The following MON2 variants were observed in gnomAD, a reference collection of about 807,000 sequenced individuals.
MON2 encodes the protein MON2 regulator of endosome-to-Golgi trafficking, also known as protein MON2 homolog.
A neutral mutation model predicts 208.6 loss-of-function variants in MON2; 84 were observed. The ratio of observed to expected loss-of-function variants is 0.40; its 90% CI spans 0.34 to 0.48. MON2 has a LOEUF of 0.48. MON2 is among the 20% of genes least tolerant of loss of function. The probability of loss-of-function intolerance (pLI) is 0.59; values close to 1 mark genes in which losing one functional copy is unlikely to be tolerated. For missense variants in MON2, 1,611 were observed against 2,015.4 expected, an observed-to-expected ratio of 0.80 and a Z score of 3.84; for synonymous variants, 660 against 694.0, an observed-to-expected ratio of 0.95 and a Z score of 0.77.
rs73141063 is a variant in MON2, at chr12:62,554,667, A to T, written c.3211-1327A>T. Among the ~76,000 whole-genome samples the T allele has an allele frequency of 1.8e-3, 267 of 152,030 alleles. 1 individual carries two copies. The highest frequency in any genetic ancestry group is 5.0e-3 in the South Asian group (24 of 4,812). ...ACACTACCAAGCCCAGCTAATTTTT[A>T]AAATTTTTTTTGTAGAGATAGTCTC... On this transcript the variant is annotated intron_variant, in intron 24 of 34. Transcript: ENST00000393630.
chr12:62,509,732 T>C (rs1475417479), intron 8 of MON2, among the ~76,000 whole-genome samples: 1 of 151,976 alleles, frequency 6.6e-6, no homozygotes, highest in East Asian at 1.9e-4. Flanking sequence ...CAGAAATCAA[T>C]AGTGGAAGGA....
intron 26 of MON2, among the ~76,000 whole-genome samples, chr12:62,564,084 T>TATATATATATAATG: frequency 6.6e-6 from 1 of 152,208 alleles, no homozygotes; most frequent in Non-Finnish European, 1.5e-5. Flanking sequence ...TTTTACTACT[T>TATATATATATAATG]TCTTACATTA....
intron 32 of MON2, among the ~76,000 whole-genome samples, chr12:62,581,289 A>G (rs2074995099): frequency 6.6e-6 from 1 of 152,190 alleles, no homozygotes. Flanking sequence ...CCATAATCCT[A>G]GTGTTCTGGG....
chr12:62,556,713 GT>G (rs1455328602), intron 25 of MON2, among the ~76,000 whole-genome samples: 1 of 152,114 alleles, frequency 6.6e-6, no homozygotes, highest in East Asian at 1.9e-4. Context: ...ATAAGAAAGA[GT>G]TTGATTATCA....
intron 1 of MON2, among the ~76,000 whole-genome samples, chr12:62,481,510 C>T (rs75259155): frequency 0.12 from 13,559 of 109,518 alleles, 908 homozygotes; most frequent in East Asian, 0.29. Context: ...AGCGAGACTC[C>T]GTCTCAAAAA....
intron 1 of MON2, among the ~76,000 whole-genome samples, chr12:62,471,845 G>T (rs1310850908): frequency 6.6e-6 from 1 of 152,202 alleles, no homozygotes. Context: ...TCTGAGAAAG[G>T]ACACATTACC....
At chr12:62,539,443 A>G (rs1592339341) in intron 19 of MON2, among the ~76,000 whole-genome samples, 1 of 150,628 alleles carries the variant, frequency 6.6e-6, no homozygotes, top group South Asian at 2.1e-4. Flanking sequence ...TTTTTATTGT[A>G]TTTTCAGTAG....
intron 8 of MON2, among the ~76,000 whole-genome samples, chr12:62,512,387 A>G (rs915903744): frequency 2.0e-5 from 3 of 152,222 alleles, no homozygotes; most frequent in African/African-American, 4.8e-5. Context: ...GCCATTCTAA[A>G]TGGGAGAAAC....
At chr12:62,543,268 TA>T (rs2073320376) in intron 20 of MON2, 70 bp downstream of exon 20, 1 of 776,300 alleles carries the variant, frequency 1.3e-6, no homozygotes, top group Admixed American at 3.3e-5. Flanking sequence ...TGATTCTAAA[TA>T]GCCATTTGAA....
chr12:62,567,962 G>A (rs555164113), intron 29 of MON2, among the ~76,000 whole-genome samples: 65 of 152,244 alleles, frequency 4.3e-4, no homozygotes, highest in African/African-American at 1.4e-3. Context: ...CTACTTACAT[G>A]TCTTACCTAT....
chr12:62,469,914 ATTTATTTAT>A (rs138119199), intron 1 of MON2, among the ~76,000 whole-genome samples: 20,758 of 65,284 alleles, frequency 0.32, 1,908 homozygotes, highest in African/African-American at 0.46. Context: ...TTATTTATTT[ATTTATTTAT>A]TTGAGACAGG....
At chr12:62,494,678 A>G (rs182045819) in intron 3 of MON2, among the ~76,000 whole-genome samples, 1 of 152,196 alleles carries the variant, frequency 6.6e-6, no homozygotes, top group Non-Finnish European at 1.5e-5. Flanking sequence ...CAGCAGGCTC[A>G]TAGCTAATTT....
At chr12:62,549,514 A>G (rs1271457545) in intron 22 of MON2, among the ~76,000 whole-genome samples, 154 bp from the exon 23 acceptor site, 1 of 151,402 alleles carries the variant, frequency 6.6e-6, no homozygotes, top group Admixed American at 6.6e-5. Context: ...CTACTGGGGA[A>G]GCTGAGGTGG....
At chr12:62,474,887 G>T (rs1427862951) in intron 1 of MON2, among the ~76,000 whole-genome samples, 1 of 151,912 alleles carries the variant, frequency 6.6e-6, no homozygotes, top group Admixed American at 6.6e-5. Flanking sequence ...GTTCCTTCCA[G>T]CTCTGTAATT....
chr12:62,546,601 A>G (rs1349367840), intron 21 of MON2, among the ~76,000 whole-genome samples: 1 of 152,042 alleles, frequency 6.6e-6, no homozygotes, highest in African/African-American at 2.4e-5. Context: ...TAAAAATACA[A>G]AGATTAGCCG....
At chr12:62,485,695 T>C (rs1365640333) in intron 2 of MON2, among the ~76,000 whole-genome samples, 1 of 152,028 alleles carries the variant, frequency 6.6e-6, no homozygotes, top group East Asian at 1.9e-4. Context: ...AAGTGGGTTT[T>C]TTTTGTTTGT....
At chr12:62,585,160 TTAGCTA>T (rs929077107) in intron 32 of MON2, 128 bp from the exon 33 acceptor site, 2 of 634,542 alleles carry the variant, frequency 3.2e-6, no homozygotes, top group Middle Eastern at 4.5e-4. Context: ...ATGTATGCTA[TTAGCTA>T]TAGGTTGTTC....
intron 4 of MON2, among the ~76,000 whole-genome samples, chr12:62,495,689 CAAAAAAAAAAAAA>C (rs56155110): frequency 0.48 from 53,507 of 110,954 alleles, 10,598 homozygotes; most frequent in African/African-American, 0.54. Flanking sequence ...GACTCCGTCT[CAAAAAAAAAAAAA>C]AAAAAAAAAA....
intron 10 of MON2, 132 bp from the exon 11 acceptor site, chr12:62,525,817 A>G: frequency 1.4e-6 from 1 of 697,800 alleles, no homozygotes. Context: ...GATAAATTTC[A>G]TTTATTTCTG....
Sources: allele counts gnomAD v4.1 joint callset (sites outside exome capture counted in the v4.1 genomes callset), GRCh38; gene constraint gnomAD v4.1.1; transcripts MANE v1.5; gene names NCBI Gene and HGNC (gene_info 2026-07-23, HGNC 2026-07-21).